The following FAAH2 variants were observed in gnomAD, a reference collection of about 807,000 sequenced individuals.
The protein encoded by FAAH2 is fatty-acid amide hydrolase 2.
A neutral mutation model predicts 36.9 loss-of-function variants in FAAH2; 60 were observed. The observed-to-expected ratio is 1.63, with a 90% CI of 1.32 to 2.02. The LOEUF is 2.02. Ranked by LOEUF, FAAH2 falls within the 30% of genes most tolerant of loss-of-function variation. The probability of loss-of-function intolerance (pLI) is 0.00; values close to 1 mark genes in which losing one functional copy is unlikely to be tolerated. For missense variants in FAAH2, 689 were observed against 397.5 expected (o/e 1.73, Z -6.23); for synonymous variants, 214 against 143.8 (o/e 1.49, Z -3.49).
upstream of FAAH2, among the ~76,000 whole-genome samples, chrX:57,282,495 T>C (rs369634898): frequency 2.8e-4 from 31 of 111,953 alleles, no homozygotes; most frequent in African/African-American, 1.0e-3. Context: ...TTTCCCCCAT[T>C]CTGTAGGTTG....
chrX:57,305,135 T>C (rs1412875326), intron 2 of FAAH2, among the ~76,000 whole-genome samples: 1 of 110,689 alleles, frequency 9.0e-6, no homozygotes, highest in Non-Finnish European at 1.9e-5. Context: ...TGGTCTTCTA[T>C]GACTTCAAAT....
the FAAH2 span, among the ~76,000 whole-genome samples, chrX:57,226,920 T>C: frequency 1.8e-5 from 2 of 112,339 alleles, no homozygotes; most frequent in African/African-American, 3.2e-5. Context: ...TGAATTTCTT[T>C]CTTCTACTTG....
chrX:57,361,475 A>T (rs1284999767), intron 5 of FAAH2, among the ~76,000 whole-genome samples: 3 of 110,585 alleles, frequency 2.7e-5, no homozygotes, highest in Non-Finnish European at 5.7e-5. Context: ...GGGTTTTGAT[A>T]TTTTGTATTT....
chrX:57,275,124 G>A, the FAAH2 span, among the ~76,000 whole-genome samples: 2 of 111,877 alleles, frequency 1.8e-5, no homozygotes, highest in Admixed American at 1.9e-4. Flanking sequence ...GACAAACAGA[G>A]AGCAAAATCA....
rs904430772 is a variant in FAAH2, at chrX:57,477,459, CTTTT to C, written c.1424-11297_1424-11294del. Reference sequence around the variant, plus strand: ...CTGTTTTTGTTTTGATTTATACTTTCTTTTGTTTATTGCTATGTTCTAAATTTTC... The same window carrying C: ...CTGTTTTTGTTTTGATTTATACTTTCGTTTATTGCTATGTTCTAAATTTTC... On this transcript the variant is annotated intron_variant, in intron 10 of 10. Coordinates refer to ENST00000374900, the MANE Select transcript of FAAH2 (RefSeq NM_174912.4). Among the ~76,000 whole-genome samples, 354 of 110,558 alleles carry C rather than the reference CTTTT, an allele frequency of 3.2e-3. 2 individuals are homozygous for C. The highest frequency in any genetic ancestry group is 0.011 in the South Asian group (28 of 2,629).
the FAAH2 span, among the ~76,000 whole-genome samples, chrX:57,162,160 C>A: frequency 0.29 from 31,661 of 110,346 alleles, 3,571 homozygotes; most frequent in Middle Eastern, 0.57. Context: ...GTTGAAAATT[C>A]TTTTCTTTAA....
At position 57,312,651 on chromosome X, in the gene FAAH2, G is replaced by A. The variant is rs139560858; in HGVS notation, c.412+1922G>A. Among the ~76,000 whole-genome samples, 450 of 99,083 alleles carry A rather than the reference G, an allele frequency of 4.5e-3. 3 individuals carry two copies. Among genetic ancestry groups the A allele is most frequent in the African/African-American group, 0.015 (429 of 29,160 alleles). 86.0% of individuals were successfully genotyped at this position (99,083 alleles called of 115,157 possible). On this transcript the variant is annotated intron_variant, in intron 3 of 10. Transcript: ENST00000374900. ...TCCGTGCCATTGCACTCCAGCCTGG[G>A]CAACAAGCACAAAACTCCATCAAAA...
At chrX:57,415,978 A>T (rs998103999) in intron 7 of FAAH2, among the ~76,000 whole-genome samples, 1 of 111,476 alleles carries the variant, frequency 9.0e-6, no homozygotes, top group Non-Finnish European at 1.9e-5. Flanking sequence ...ATCATTATGT[A>T]ATGCCCTTCT....
intron 4 of FAAH2, 104 bp downstream of exon 4, chrX:57,331,911 ATGGATGC>A: frequency 2.5e-6 from 2 of 807,405 alleles, no homozygotes; most frequent in Admixed American, 2.9e-5. Context: ...ACCTATAAGA[ATGGATGC>A]AAAAACCCAG....
At chrX:57,410,747 C>G (rs2147336579) in intron 7 of FAAH2, among the ~76,000 whole-genome samples, 1 of 111,429 alleles carries the variant, frequency 9.0e-6, no homozygotes, top group African/African-American at 3.3e-5. Context: ...GTATTCTGCA[C>G]CTCTAGAATT....
the FAAH2 span, among the ~76,000 whole-genome samples, chrX:57,169,124 G>A: frequency 1.8e-5 from 2 of 110,647 alleles, no homozygotes; most frequent in African/African-American, 6.5e-5. Context: ...AGGGAGAAAA[G>A]GAGAGCTCTG....
intron 7 of FAAH2, among the ~76,000 whole-genome samples, chrX:57,397,957 G>T (rs1238507846): frequency 3.7e-5 from 4 of 106,935 alleles, no homozygotes; most frequent in African/African-American, 1.4e-4. Flanking sequence ...TGCGGTGTTT[G>T]GTTTTCTCTT....
At chrX:57,374,721 C>T (rs1429322836) in intron 5 of FAAH2, among the ~76,000 whole-genome samples, 1 of 111,239 alleles carries the variant, frequency 9.0e-6, no homozygotes, top group African/African-American at 3.3e-5. Flanking sequence ...GTCTGATTGC[C>T]GTTGCTAGGA....
At chrX:57,322,235 G>A (rs763138842) in intron 3 of FAAH2, among the ~76,000 whole-genome samples, 46 of 111,074 alleles carry the variant, frequency 4.1e-4, no homozygotes, top group South Asian at 1.9e-3. Flanking sequence ...CGTGATCCGC[G>A]CTCCTCGGCC....
At chrX:57,177,548 C>A in the FAAH2 span, among the ~76,000 whole-genome samples, 1 of 72,162 alleles carries the variant, frequency 1.4e-5, no homozygotes, top group African/African-American at 4.9e-5. Context: ...CAAATCTTTT[C>A]TTTTTTATTA....
At chrX:57,484,713 G>C (rs1413948853) in intron 10 of FAAH2, among the ~76,000 whole-genome samples, 1 of 111,781 alleles carries the variant, frequency 8.9e-6, no homozygotes, top group Admixed American at 9.5e-5. Flanking sequence ...CATGTGGTGA[G>C]TGTCATTTGT....
chrX:57,385,281 A>T (rs1316318225), intron 7 of FAAH2, among the ~76,000 whole-genome samples: 1 of 7,169 alleles, frequency 1.4e-4, no homozygotes. Flanking sequence ...AAGTATAATA[A>T]AAAAAAAAAA....
chrX:57,200,442 G>T, the FAAH2 span, among the ~76,000 whole-genome samples: 1 of 104,299 alleles, frequency 9.6e-6, no homozygotes, highest in African/African-American at 3.6e-5. Flanking sequence ...GCAATGGCAC[G>T]ATCCTGGCCC....
chrX:57,431,779 G>GTTTTTTTTTTTTTTTTTTTTT (rs368910432), intron 7 of FAAH2, 139 bp from the exon 8 acceptor site: 1 of 83,532 alleles, frequency 1.2e-5, no homozygotes, highest in Non-Finnish European at 2.2e-5. Flanking sequence ...TTGTTTTTTT[G>GTTTTTTTTTTTTTTTTTTTTT]TTTTTTTGTT....
Sources: allele counts gnomAD v4.1 joint callset (sites outside exome capture counted in the v4.1 genomes callset), GRCh38; gene constraint gnomAD v4.1.1; transcripts MANE v1.5; gene names NCBI Gene and HGNC (gene_info 2026-07-23, HGNC 2026-07-21).